ANKRD30BL: variants seen among roughly 807,000 people sequenced by gnomAD.
The protein encoded by ANKRD30BL is ankyrin repeat domain 30B like.
ANKRD30BL carries 20 observed loss-of-function variants against 18.4 expected under a neutral mutation model. The ratio of observed to expected loss-of-function variants is 1.09; its 90% CI spans 0.77 to 1.58. The LOEUF is 1.58. ANKRD30BL is among the 40% of genes most tolerant of loss of function. The pLI is 0.00. For missense variants in ANKRD30BL, 224 were observed against 268.6 expected (o/e 0.83, Z 1.16); for synonymous variants, 72 against 100.9 (o/e 0.71, Z 1.72).
At chr2:132,224,143 A>G (rs796701912) in intron 1 of ANKRD30BL, among the ~76,000 whole-genome samples, 3 of 152,100 alleles carry the variant, frequency 2.0e-5, no homozygotes, top group African/African-American at 7.2e-5. Context: ...ATTCACATAA[A>G]CACTAGATAG....
At chr2:132,233,447 T>C (rs201253632) in intron 1 of ANKRD30BL, among the ~76,000 whole-genome samples, 2 of 137,236 alleles carry the variant, frequency 1.5e-5, no homozygotes, top group Admixed American at 7.7e-5. Flanking sequence ...ACCCATCTCA[T>C]GTGCAGAGAC....
chr2:132,175,225 G>A (rs1688342149), intron 1 of ANKRD30BL, among the ~76,000 whole-genome samples: 1 of 151,786 alleles, frequency 6.6e-6, no homozygotes, highest in Non-Finnish European at 1.5e-5. Context: ...ATCTCAGCAA[G>A]AGGAATGCAG....
chr2:132,174,465 G>A (rs987441945), intron 1 of ANKRD30BL, among the ~76,000 whole-genome samples: 5 of 152,106 alleles, frequency 3.3e-5, no homozygotes, highest in African/African-American at 7.2e-5. Context: ...ATCATACCCA[G>A]TAGGGTGACA....
At chr2:132,148,383 T>G (rs1187217798) in intron 5 of ANKRD30BL, among the ~76,000 whole-genome samples, 155 bp from the exon 6 acceptor site, 1 of 107,140 alleles carries the variant, frequency 9.3e-6, no homozygotes, top group Non-Finnish European at 1.8e-5. Flanking sequence ...TTTTTTTTTT[T>G]GAGACAAGAG....
chr2:132,198,718 A>G (rs1305757005), intron 1 of ANKRD30BL, among the ~76,000 whole-genome samples: 1 of 151,404 alleles, frequency 6.6e-6, no homozygotes, highest in Non-Finnish European at 1.5e-5. Flanking sequence ...TCCAGGTTCA[A>G]GCGATTTTCC....
At position 132,228,699 on chromosome 2, in the gene ANKRD30BL, G is replaced by A. The variant is rs62166105; in HGVS notation, n.441+28830C>T. Among the ~76,000 whole-genome samples, 8 of 144,040 alleles carry A rather than the reference G, an allele frequency of 5.6e-5. 1 individual carries two copies. The South Asian group carries it at 1.8e-3, about 32-fold the overall frequency. 94.5% of individuals were successfully genotyped at this position (144,040 alleles called of 152,430 possible). A position where few individuals can be genotyped will look rare whatever the true frequency, so the allele number is the denominator to read the frequency against. ...CTTTCTTTTGATTGAGAGTTTGGAA[G>A]CACTCTTTTTGTAGAATCTGCAAGC... On this transcript the variant is annotated intron_variant and non_coding_transcript_variant, in intron 1 of 4. Transcript: ENST00000470729.
At chr2:132,231,433 T>C (rs1558729140) in intron 1 of ANKRD30BL, among the ~76,000 whole-genome samples, 1 of 152,182 alleles carries the variant, frequency 6.6e-6, no homozygotes, top group Non-Finnish European at 1.5e-5. Context: ...GGTGCCAGGT[T>C]CATCTCACTA....
chr2:132,161,601 G>A lies in ANKRD30BL; in HGVS notation c.105C>T (p.His35=), dbSNP rs746905154. 3 of 1,454,028 alleles carry A rather than the reference G, an allele frequency of 2.1e-6. No homozygotes were observed. In the South Asian group the frequency reaches 3.7e-5, roughly 18 times the overall value. 90.1% of individuals were successfully genotyped at this position (1,454,028 alleles called of 1,614,324 possible). ...VYTNNDSYVI[H]HGDLRKIHKA... ...TGTGGATCTTCCTGAGATCCCCATGGTGAATCACGTAAGAGTCGTTGTTGG... is the reference window on the plus strand; with the variant it reads ...TGTGGATCTTCCTGAGATCCCCATGATGAATCACGTAAGAGTCGTTGTTGG... Residue 35 remains histidine (H), a synonymous_variant, in exon 1 of 6, where the codon CAC becomes CAT. Transcript: ENST00000409867.
At chr2:132,204,852 T>C (rs1333080092) in intron 1 of ANKRD30BL, among the ~76,000 whole-genome samples, 8 of 152,332 alleles carry the variant, frequency 5.3e-5, no homozygotes, top group African/African-American at 1.9e-4. Flanking sequence ...ATGTCAAATT[T>C]GAGATGCAGG....
intron 1 of ANKRD30BL, among the ~76,000 whole-genome samples, chr2:132,205,946 A>G (rs10198778): frequency 0.17 from 26,244 of 152,080 alleles, 5,011 homozygotes; most frequent in African/African-American, 0.48. Context: ...GGATCACAAC[A>G]TCAGCAGTTC....
intron 4 of ANKRD30BL, among the ~76,000 whole-genome samples, chr2:132,151,376 A>C (rs981875022): frequency 2.6e-5 from 4 of 152,208 alleles, no homozygotes; most frequent in African/African-American, 9.6e-5. Flanking sequence ...AAGATTTAAC[A>C]AGATAACATT....
intron 3 of ANKRD30BL, chr2:132,156,087 A>G (rs1050981144): frequency 6.6e-6 from 1 of 151,950 alleles, no homozygotes; most frequent in Non-Finnish European, 1.5e-5. Flanking sequence ...AAAACGGCTT[A>G]TTAACGAAAG....
At chr2:132,257,394 C>T (rs76654968) in intron 1 of ANKRD30BL, 7 of 328,256 alleles carry the variant, frequency 2.1e-5, no homozygotes, top group Admixed American at 2.1e-4. Flanking sequence ...GCCTCCCAAC[C>T]GCTAGGACGC....
intron 1 of ANKRD30BL, among the ~76,000 whole-genome samples, chr2:132,205,608 AAAAAAG>A (rs1679197388): frequency 2.0e-5 from 3 of 151,580 alleles, no homozygotes; most frequent in African/African-American, 7.2e-5. Flanking sequence ...TCTCAAAAAA[AAAAAAG>A]AAAAAAGAAA....
chr2:132,207,064 A>G (rs1360077016), intron 1 of ANKRD30BL, among the ~76,000 whole-genome samples: 1 of 152,144 alleles, frequency 6.6e-6, no homozygotes, highest in African/African-American at 2.4e-5. Context: ...TATCATAATT[A>G]TACAGCATCT....
intron 1 of ANKRD30BL, among the ~76,000 whole-genome samples, chr2:132,191,439 G>A (rs1266591235): frequency 2.6e-5 from 4 of 152,060 alleles, no homozygotes; most frequent in Admixed American, 6.6e-5. Flanking sequence ...CAAATTGTAA[G>A]TGTATGTTTA....
intron 1 of ANKRD30BL, among the ~76,000 whole-genome samples, chr2:132,211,024 T>A (rs1449537277): frequency 6.6e-6 from 1 of 151,848 alleles, no homozygotes; most frequent in African/African-American, 2.4e-5. Context: ...TTTTAACACT[T>A]GACAGCCTAT....
chr2:132,239,716 C>A (rs1222477885), intron 1 of ANKRD30BL, among the ~76,000 whole-genome samples: 1 of 151,690 alleles, frequency 6.6e-6, no homozygotes, highest in Non-Finnish European at 1.5e-5. Context: ...GTTGAACATT[C>A]CCTTTCAGTG....
At chr2:132,162,430 C>T (rs1031021560), upstream of ANKRD30BL, among the ~76,000 whole-genome samples, 1 of 152,190 alleles carries the variant, frequency 6.6e-6, no homozygotes, top group African/African-American at 2.4e-5. Context: ...GTACATCGCC[C>T]TTCCACCCGG....
Sources: gnomAD v4.1 joint callset for allele counts (sites outside exome capture counted in the v4.1 genomes callset) on GRCh38, gnomAD v4.1.1 for gene constraint, MANE v1.5 for transcripts, NCBI Gene and HGNC (gene_info 2026-07-23, HGNC 2026-07-21) for gene names.